The following RP1L1 variants were observed in gnomAD, a reference collection of about 807,000 sequenced individuals.
The protein encoded by RP1L1 is retinitis pigmentosa 1-like 1 protein.
Under a neutral mutation model 15.7 loss-of-function variants are expected in RP1L1, and 27 were observed. That is an observed-to-expected ratio of 1.72 (90% CI 1.27 to 2.38). The LOEUF is 2.38. Ranked by LOEUF, RP1L1 falls within the 30% of genes most tolerant of loss-of-function variation. The probability of loss-of-function intolerance (pLI) is 0.00; values close to 1 mark genes in which losing one functional copy is unlikely to be tolerated. For synonymous variants in RP1L1, 1,813 were observed against 1,276.7 expected (o/e 1.42, Z -8.96); for missense variants, 4,798 against 3,075.9 (o/e 1.56, Z -13.24).
At chr8:10,615,954 G>C (rs185753344) in intron 3 of RP1L1, among the ~76,000 whole-genome samples, 1 of 152,224 alleles carries the variant, frequency 6.6e-6, no homozygotes, top group East Asian at 1.9e-4. Flanking sequence ...ACCCAGGCTG[G>C]AGTGAAGTGG....
chr8:10,641,176 A>T (rs1440441832), intron 1 of RP1L1, among the ~76,000 whole-genome samples: 1 of 152,202 alleles, frequency 6.6e-6, no homozygotes, highest in Non-Finnish European at 1.5e-5. Flanking sequence ...TGTTCTTTGC[A>T]TGTTTTCTTG....
At chr8:10,642,383 C>T (rs1798419437) in intron 1 of RP1L1, among the ~76,000 whole-genome samples, 1 of 152,176 alleles carries the variant, frequency 6.6e-6, no homozygotes. Context: ...TTTTGAAGAG[C>T]TTCTAGGAAA....
At chr8:10,630,099 G>C (rs1047985799) in intron 1 of RP1L1, among the ~76,000 whole-genome samples, 1 of 152,228 alleles carries the variant, frequency 6.6e-6, no homozygotes, top group Non-Finnish European at 1.5e-5. Context: ...GTCAAGTCAA[G>C]AGGGCTTAGC....
chr8:10,621,751 G>A (rs895559413), intron 2 of RP1L1: 1 of 509,134 alleles, frequency 2.0e-6, no homozygotes, highest in African/African-American at 1.9e-5. Flanking sequence ...GACCTTTGGT[G>A]GAATTTCATG....
chr8:10,637,966 G>C (rs1299276073), intron 1 of RP1L1, among the ~76,000 whole-genome samples: 2 of 152,204 alleles, frequency 1.3e-5, no homozygotes, highest in South Asian at 2.1e-4. Context: ...CCCAGGGCTG[G>C]GTCCCCTTTG....
At chr8:10,626,648 G>C (rs1798163575) in intron 1 of RP1L1, among the ~76,000 whole-genome samples, 1 of 152,182 alleles carries the variant, frequency 6.6e-6, no homozygotes, top group South Asian at 2.1e-4. Flanking sequence ...AAAAGAAACA[G>C]TGACAAATGA....
intron 1 of RP1L1, among the ~76,000 whole-genome samples, chr8:10,651,681 C>T (rs969085317): frequency 6.6e-6 from 1 of 150,426 alleles, no homozygotes; most frequent in Non-Finnish European, 1.5e-5. Context: ...CCCTTGAACT[C>T]AGGAGGCGGA....
In RP1L1 at chr8:10,610,570, T is replaced by C. The variant is rs374734040; in HGVS notation, c.3528A>G (p.Thr1176=). Residue 1176 remains threonine, a synonymous_variant, in exon 4 of 4, where the codon ACA becomes ACG. Coordinates refer to ENST00000382483, the MANE Select transcript of RP1L1 (RefSeq NM_178857.6). The part of the protein sequence containing the change: ...DQLDSGLWEL[T]WSQALPDLGS... ...CAAGGTCTGGCAGAGCCTGGCTCCATGTGAGCTCCCAGAGGCCTGAGTCCA... is the reference window on the plus strand; with the variant it reads ...CAAGGTCTGGCAGAGCCTGGCTCCACGTGAGCTCCCAGAGGCCTGAGTCCA... The C allele has an allele frequency of 3.1e-6, 5 of 1,613,632 alleles. No homozygotes were observed. Among genetic ancestry groups the C allele is most frequent in the African/African-American group, 2.7e-5 (2 of 75,052 alleles).
At chr8:10,614,267 A>G (rs931760662) in intron 3 of RP1L1, among the ~76,000 whole-genome samples, 3 of 152,178 alleles carry the variant, frequency 2.0e-5, no homozygotes, top group Non-Finnish European at 2.9e-5. Context: ...GGCTGCAGGG[A>G]AGGACCTGGG....
rs760979511 is a variant in RP1L1, at chr8:10,607,029, A to G, written c.7069T>C (p.Leu2357=). ...CCCTGCTCTGGAGTCCTTGAGCCCAAAGGGGCCTCTTCTTGCTCAGAAGTA... is the reference window on the plus strand; with the variant it reads ...CCCTGCTCTGGAGTCCTTGAGCCCAGAGGGGCCTCTTCTTGCTCAGAAGTA... ...SSTSEQEEAP[L]GSRTPEQGAS... Residue 2357 remains leucine (L), a synonymous_variant, in exon 4 of 4, where the codon TTG becomes CTG. Transcript: ENST00000382483. 8 of 1,614,198 alleles carry G rather than the reference A, an allele frequency of 5.0e-6. No individual in the cohort carries two copies. In the South Asian group the frequency reaches 7.7e-5, roughly 16 times the overall value.
intron 3 of RP1L1, 109 bp downstream of exon 3, chr8:10,616,337 T>C (rs918406909): frequency 4.6e-5 from 65 of 1,419,846 alleles, no homozygotes; most frequent in Non-Finnish European, 6.4e-5. Context: ...ATACCCAAGA[T>C]CTGGGGCCAA....
At chr8:10,616,640 C>A in intron 2 of RP1L1, 53 bp from the exon 3 acceptor site, 1 of 1,565,156 alleles carries the variant, frequency 6.4e-7, no homozygotes, top group Non-Finnish European at 8.6e-7. Flanking sequence ...AACCCCTCTA[C>A]CCTGAGGCCT....
At position 10,607,943 on chromosome 8, in the gene RP1L1, G is replaced by C. The variant is rs1797740700; in HGVS notation, c.6155C>G (p.Ser2052Ter). The part of the protein sequence containing the change: ...QKTEGDAQPE[S>*]DGVEAPEAEE... Reference sequence around the variant, plus strand: ...TGCCTCCGGGGCCTCTACACCGTCTGACTCTGGCTGGGCATCCCCTTCTGT... The same window carrying C: ...TGCCTCCGGGGCCTCTACACCGTCTCACTCTGGCTGGGCATCCCCTTCTGT... The change falls in exon 4 of 4, where the codon TCA (serine) becomes TGA (stop). Residue 2052 changes from serine to a stop codon, truncating the protein, a stop_gained. Coordinates refer to ENST00000382483, the MANE Select transcript of RP1L1 (RefSeq NM_178857.6). LOFTEE classifies it low-confidence loss of function (END_TRUNC). 3.7e-6 allele frequency: 6 copies of C among 1,609,932 alleles called. No homozygotes were observed. Among genetic ancestry groups the C allele is most frequent in the Non-Finnish European group, 5.1e-6 (6 of 1,179,206 alleles).
Position 10,611,905 on chromosome 8 carries a change from G to C in RP1L1, c.2193C>G (p.Asp731Glu). Residue 731 changes from aspartate (D) to glutamate (E), a missense_variant, in exon 4 of 4, where the codon GAC (aspartate) becomes GAG (glutamate). Transcript: ENST00000382483. ...CAGTGGCACTGCTGGTTCCCAGAAG[G>C]TCCTGGGAAGGAAGAGAGCCCGAGG... ...PPSSGSLPSQ[D>E]LLGTSSATVT... 1.2e-6 allele frequency: 2 copies of C among 1,613,892 alleles called. No homozygotes were observed. Among genetic ancestry groups the C allele is most frequent in the Non-Finnish European group, 1.7e-6 (2 of 1,180,030 alleles).
In RP1L1 at chr8:10,613,147, C is replaced by A. The variant is rs755312869; in HGVS notation, c.951G>T (p.Glu317Asp). 6.2e-7 allele frequency: 1 copy of A among 1,613,878 alleles called. No homozygotes were observed. Among genetic ancestry groups the A allele is most frequent in the Admixed American group, 1.7e-5 (1 of 60,036 alleles). ...DDMKKKVRMN[E>D]DGSLSVEMKV... The stretch of plus-strand genomic sequence containing the variant: ...TCATCTCCACGGACAGGCTGCCGTC[C>A]TCATTCATGCGGACCTTCTTCTTCA... Residue 317 changes from glutamate to aspartate, a missense_variant, in exon 4 of 4, where the codon GAG becomes GAT. Glu to Asp is a conservative substitution (Grantham distance 45). Coordinates refer to ENST00000382483, the MANE Select transcript of RP1L1 (RefSeq NM_178857.6).
Position 10,613,345 on chromosome 8 carries a change from C to T in RP1L1, c.753G>A (p.Gly251=), listed in dbSNP as rs746548374. 60 of 1,599,626 alleles carry T rather than the reference C, an allele frequency of 3.8e-5. No homozygotes were observed. The highest frequency in any genetic ancestry group is 1.6e-4 in the Middle Eastern group (1 of 6,082). The change falls in exon 4 of 4, where the codon GGG becomes GGA. Residue 251 remains glycine, a splice_region_variant and synonymous_variant. Transcript: ENST00000382483. ...TCGGCTTGGTCTTTGGCCCCCAGCT[C>T]CCTGGCACGCAGTGAAGAGGAAAAG... is the stretch of plus-strand genomic sequence containing the variant. ...LSGLTSRNKN[G]SWGPKTKPSV...
intron 1 of RP1L1, among the ~76,000 whole-genome samples, chr8:10,632,802 C>G (rs1275208361): frequency 6.6e-6 from 1 of 152,174 alleles, no homozygotes; most frequent in Non-Finnish European, 1.5e-5. Flanking sequence ...TGGACGAGGT[C>G]AAGATGAGGA....
chr8:10,653,459 A>AGC (rs1798591518), intron 1 of RP1L1, among the ~76,000 whole-genome samples: 1 of 148,716 alleles, frequency 6.7e-6, no homozygotes. Flanking sequence ...GTCTCCCTCC[A>AGC]ACACACACAC....
chr8:10,621,914 A>C (rs1798066003), intron 2 of RP1L1: 4 of 399,190 alleles, frequency 1.0e-5, no homozygotes, highest in Non-Finnish European at 2.0e-5. Context: ...CTTCCCAAAC[A>C]TGAAGCCCTC....
Sources: allele counts gnomAD v4.1 joint callset (sites outside exome capture counted in the v4.1 genomes callset), GRCh38; gene constraint gnomAD v4.1.1; transcripts MANE v1.5; gene names NCBI Gene and HGNC (gene_info 2026-07-23, HGNC 2026-07-21).